The following CAMK1D variants were observed in gnomAD, a reference collection of about 807,000 sequenced individuals.
The protein encoded by CAMK1D is calcium/calmodulin dependent protein kinase ID.
CAMK1D carries 9 observed loss-of-function variants against 47.7 expected under a neutral mutation model. That is an observed-to-expected ratio of 0.19 (90% CI 0.11 to 0.33). The LOEUF is 0.33. CAMK1D is among the 10% of genes least tolerant of loss of function. The pLI is 1.00. For synonymous variants in CAMK1D, 184 were observed against 184.9 expected (o/e 0.99, Z 0.04); for missense variants, 291 against 488.7 (o/e 0.60, Z 3.81).
intron 1 of CAMK1D, among the ~76,000 whole-genome samples, chr10:12,427,698 C>CTGTTTTTTGTTTTT (rs1187361102): frequency 3.7e-5 from 1 of 27,366 alleles, no homozygotes; most frequent in Non-Finnish European, 8.3e-5. Context: ...ACTGAACTTA[C>CTGTTTTTTGTTTTT]TGTTTTTTTT....
chr10:12,756,565 A>G (rs1296374477), intron 3 of CAMK1D, among the ~76,000 whole-genome samples: 2 of 152,214 alleles, frequency 1.3e-5, no homozygotes, highest in South Asian at 4.1e-4. Flanking sequence ...ACGATTTCAT[A>G]TTTGCATATT....
rs546685900 is a variant in CAMK1D at position 12,357,002 on chromosome 10, T to C, written c.92+7092T>C. 3.3e-5 allele frequency among the ~76,000 whole-genome samples: 5 copies of C among 152,238 alleles called. No homozygotes were observed. In the South Asian group the frequency reaches 6.2e-4, roughly 19 times the overall value. On this transcript the variant is annotated intron_variant, in intron 1 of 10. Transcript: ENST00000619168. ...CTTTGGCTGGGTCTCTGTAAATCTC[T>C]TTAATCTTTCCTTTCCCCAAATAAA... is the stretch of plus-strand genomic sequence containing the variant.
chr10:12,556,698 C>A (rs190928908), intron 2 of CAMK1D, among the ~76,000 whole-genome samples: 1 of 152,236 alleles, frequency 6.6e-6, no homozygotes, highest in African/African-American at 2.4e-5. Flanking sequence ...TTGTGGAGGG[C>A]CTTGTGTACC....
intron 1 of CAMK1D, among the ~76,000 whole-genome samples, chr10:12,360,812 C>T (rs1384881741): frequency 6.6e-6 from 1 of 152,124 alleles, no homozygotes; most frequent in Admixed American, 6.6e-5. Context: ...GGGCCCTAAA[C>T]TGTCCTGGGC....
intron 3 of CAMK1D, among the ~76,000 whole-genome samples, chr10:12,675,978 G>A (rs1467183888): frequency 2.0e-5 from 3 of 152,134 alleles, no homozygotes; most frequent in Admixed American, 1.3e-4. Context: ...TTGAGAAGGA[G>A]TTTTGCTCTT....
intron 8 of CAMK1D, among the ~76,000 whole-genome samples, chr10:12,822,311 C>T (rs1644428): frequency 0.65 from 98,636 of 152,096 alleles, 33,055 homozygotes; most frequent in East Asian, 0.79. Context: ...TGCAGGAAGA[C>T]CGTGTAACAC....
At chr10:12,743,590 T>C (rs1835533602) in intron 3 of CAMK1D, among the ~76,000 whole-genome samples, 1 of 152,198 alleles carries the variant, frequency 6.6e-6, no homozygotes, top group African/African-American at 2.4e-5. Flanking sequence ...TTCACAGAGT[T>C]GGATCACCAT....
At chr10:12,661,702 T>C (rs1350511256) in intron 2 of CAMK1D, among the ~76,000 whole-genome samples, 1 of 152,212 alleles carries the variant, frequency 6.6e-6, no homozygotes, top group Non-Finnish European at 1.5e-5. Context: ...ACAGCTGAAA[T>C]GTTTGAGAAA....
At chr10:12,789,441 C>G (rs531680936) in intron 5 of CAMK1D, among the ~76,000 whole-genome samples, 2 of 152,330 alleles carry the variant, frequency 1.3e-5, no homozygotes, top group Admixed American at 1.3e-4. Flanking sequence ...TCTTTCCTAT[C>G]TAGCTGTGTG....
intron 2 of CAMK1D, among the ~76,000 whole-genome samples, chr10:12,576,188 T>A (rs1837484227): frequency 6.6e-6 from 1 of 152,224 alleles, no homozygotes; most frequent in South Asian, 2.1e-4. Flanking sequence ...GCTGTGTAAG[T>A]TTTAAATTTA....
At chr10:12,358,124 A>G (rs1207195535) in intron 1 of CAMK1D, among the ~76,000 whole-genome samples, 1 of 152,090 alleles carries the variant, frequency 6.6e-6, no homozygotes, top group Non-Finnish European at 1.5e-5. Context: ...CTTTGGGAGA[A>G]TGAGGCAGAA....
At chr10:12,372,690 G>C (rs1307751100) in intron 1 of CAMK1D, among the ~76,000 whole-genome samples, 1 of 152,108 alleles carries the variant, frequency 6.6e-6, no homozygotes, top group Non-Finnish European at 1.5e-5. Flanking sequence ...CTGCAGCCTC[G>C]TGATCACGGC....
chr10:12,736,240 C>G (rs1222920221), intron 3 of CAMK1D, among the ~76,000 whole-genome samples: 1 of 152,180 alleles, frequency 6.6e-6, no homozygotes, highest in Non-Finnish European at 1.5e-5. Flanking sequence ...TTCTCCTGTT[C>G]TCTGTTATGG....
chr10:12,774,934 T>C (rs956698308), intron 5 of CAMK1D, among the ~76,000 whole-genome samples: 4 of 152,292 alleles, frequency 2.6e-5, no homozygotes, highest in Non-Finnish European at 5.9e-5. Flanking sequence ...TGTGCCAAAA[T>C]TGGGGATCGC....
chr10:12,668,740 G>T (rs905800214), intron 3 of CAMK1D, among the ~76,000 whole-genome samples: 8 of 151,944 alleles, frequency 5.3e-5, no homozygotes, highest in African/African-American at 1.9e-4. Flanking sequence ...AAGCAACTTG[G>T]GGTTGTATAC....
At chr10:12,770,763 A>T (rs1837001148) in intron 5 of CAMK1D, among the ~76,000 whole-genome samples, 2 of 152,176 alleles carry the variant, frequency 1.3e-5, no homozygotes, top group Non-Finnish European at 2.9e-5. Context: ...GAAGCCAGCC[A>T]TGTGGGAGTT....
chr10:12,687,614 T>C (rs1017420532), intron 3 of CAMK1D, among the ~76,000 whole-genome samples: 1 of 152,164 alleles, frequency 6.6e-6, no homozygotes, highest in African/African-American at 2.4e-5. Flanking sequence ...CAAAGGCATA[T>C]GTACAGCTCA....
chr10:12,805,449 CA>C (rs1365677631), intron 6 of CAMK1D, among the ~76,000 whole-genome samples: 2 of 148,038 alleles, frequency 1.4e-5, no homozygotes, highest in Non-Finnish European at 3.0e-5. Flanking sequence ...CAGCTCACTG[CA>C]AACTCCACCT....
intron 2 of CAMK1D, among the ~76,000 whole-genome samples, chr10:12,614,807 A>C (rs1452183938): frequency 6.6e-6 from 1 of 152,208 alleles, no homozygotes; most frequent in Non-Finnish European, 1.5e-5. Flanking sequence ...TATACTGGGA[A>C]TCGGATGTGT....
Sources: allele counts gnomAD v4.1 joint callset (sites outside exome capture counted in the v4.1 genomes callset), GRCh38; gene constraint gnomAD v4.1.1; transcripts MANE v1.5; gene names NCBI Gene and HGNC (gene_info 2026-07-23, HGNC 2026-07-21).